Variants in PASK observed in about 807,000 individuals in gnomAD.
The protein encoded by PASK is PAS domain containing serine/threonine kinase.
In PASK, 110 loss-of-function variants were observed where a neutral mutation model predicts 121.0. That is an observed-to-expected ratio of 0.91 (90% CI 0.78 to 1.06). The LOEUF (loss-of-function observed/expected upper bound fraction) is 1.06, where lower values mean the gene tolerates loss of function less well. Among genes scored for constraint, PASK ranks in the 50% least tolerant of loss-of-function variants. The pLI, the probability that PASK is intolerant of heterozygous loss-of-function variation, is 0.00. For missense variants in PASK, 1,643 were observed against 1,702.3 expected, an observed-to-expected ratio of 0.97 and a Z score of 0.61; for synonymous variants, 686 against 717.8, an observed-to-expected ratio of 0.96 and a Z score of 0.71.
intron 1 of PASK, among the ~76,000 whole-genome samples, chr2:241,143,838 G>A (rs889730085): frequency 6.6e-6 from 1 of 152,262 alleles, no homozygotes; most frequent in African/African-American, 2.4e-5. Context: ...AACAAGTGAG[G>A]TCGCGGGGGC....
At chr2:241,146,194 T>C (rs1010075962) in intron 1 of PASK, among the ~76,000 whole-genome samples, 4 of 152,212 alleles carry the variant, frequency 2.6e-5, no homozygotes, top group African/African-American at 7.2e-5. Context: ...GATGATGTTA[T>C]ACCTACTAAG....
chr2:241,122,728 T>C lies in PASK; in HGVS notation c.3072+4A>G. On this transcript the variant is annotated splice_donor_region_variant and intron_variant, in intron 12 of 17. Transcript: ENST00000234040. The stretch of plus-strand genomic sequence containing the variant: ...GCGCCACTCCCCCCCCACAGCCAGG[T>C]TACCTCCTTGTTTTTTTCCTTGTCC... 3 of 1,613,536 alleles carry C rather than the reference T, an allele frequency of 1.9e-6. No homozygotes were observed. Among genetic ancestry groups the C allele is most frequent in the Non-Finnish European group, 2.5e-6 (3 of 1,179,560 alleles).
At chr2:241,119,826 C>A (rs993553616) in intron 12 of PASK, among the ~76,000 whole-genome samples, 2 of 152,074 alleles carry the variant, frequency 1.3e-5, no homozygotes, top group African/African-American at 4.8e-5. Context: ...TATCCTGCTG[C>A]CCCTGTAGGA....
chr2:241,142,918 T>C lies in PASK; in HGVS notation c.115A>G (p.Arg39Gly). The C allele has an allele frequency of 6.2e-7, 1 of 1,614,100 alleles. No individual in the cohort carries two copies. The highest frequency in any genetic ancestry group is 8.5e-7 in the Non-Finnish European group (1 of 1,179,952). The change falls in exon 2 of 18, where the codon AGG (arginine) becomes GGG (glycine). Residue 39 changes from arginine (R) to glycine (G), a missense_variant. Physicochemically the swap from Arg to Gly is moderately radical, Grantham distance 125. Around this residue, in one of 3 missense-constraint regions of PASK, gnomAD observed 1,176 missense variants for 1,162.2 expected, o/e 1.01. Transcript: ENST00000234040. The part of the protein sequence containing the change: ...PAAQTTAEPS[R>G]SFSSAHRHLS... Reference sequence around the variant, plus strand: ...TGTCTGTGGGCTGAGGAAAACGACCTGCTGGGCTCAGCAGTGGTCTGTGCA... The same window carrying C: ...TGTCTGTGGGCTGAGGAAAACGACCCGCTGGGCTCAGCAGTGGTCTGTGCA...
Position 241,132,859 on chromosome 2 carries a change from C to A in PASK, c.1463+15G>T, listed in dbSNP as rs1171661695. 2 of 1,610,370 alleles carry A rather than the reference C, an allele frequency of 1.2e-6. No homozygotes were observed. The highest frequency in any genetic ancestry group is 1.7e-6 in the Non-Finnish European group (2 of 1,176,572). On this transcript the variant is annotated intron_variant, in intron 9 of 17. Transcript: ENST00000234040. ...GACTTTTAGTAAACCTGCAACCTCCCACCAAGGGACTTACCCTGGAGCAGG... is the reference window on the plus strand; with the variant it reads ...GACTTTTAGTAAACCTGCAACCTCCAACCAAGGGACTTACCCTGGAGCAGG...
intron 14 of PASK, chr2:241,114,015 A>G (rs1172911666): frequency 7.1e-6 from 7 of 983,956 alleles, no homozygotes; most frequent in Non-Finnish European, 6.0e-6. Flanking sequence ...TATAAACACC[A>G]TAATTATGTG....
At position 241,140,653 on chromosome 2, in the gene PASK, G is replaced by A. The variant is rs570353429; in HGVS notation, c.297C>T (p.Ser99=). Residue 99 remains serine, a synonymous_variant, in exon 3 of 18, where the codon TCC becomes TCT. Coordinates refer to ENST00000234040, the MANE Select transcript of PASK (RefSeq NM_015148.4). ...CPAAPEHTDP[S]EPRGSVSCCS... ...AGCAGGACACACTGCCCCGCGGTTC[G>A]GACGGGTCCGTGTGCTCAGGGGCAG... 7.4e-6 allele frequency: 12 copies of A among 1,613,950 alleles called. No individual in the cohort carries two copies. In the East Asian group the frequency reaches 1.1e-4, roughly 15 times the overall value.
In PASK at chr2:241,108,935, TC is replaced by T. The variant is rs2064995278; in HGVS notation, c.3534-636del. 1.3e-5 allele frequency: 2 copies of T among 159,560 alleles called. No individual in the cohort carries two copies. The highest frequency in any genetic ancestry group is 3.5e-4 in the South Asian group (2 of 5,684). The allele number at this position is 159,560 out of a possible 1,614,324, so 9.9% of individuals were successfully genotyped here. A position where few individuals can be genotyped will look rare whatever the true frequency, so the allele number is the denominator to read the frequency against. ...AGACACCCAAAGGACTATTGTTACT[TC>T]CTGTCGCCGTAAACATCCTCATCCA... On this transcript the variant is annotated intron_variant, in intron 15 of 17. Coordinates refer to ENST00000234040, the MANE Select transcript of PASK (RefSeq NM_015148.4). The surrounding 1 kb of genome is among the most constrained non-coding windows in gnomAD (Gnocchi z 5.2).
In PASK at chr2:241,115,207, T is replaced by C. The variant is rs1415016110; in HGVS notation, c.3199-30A>G. The C allele has an allele frequency of 2.5e-6, 4 of 1,613,936 alleles. No homozygotes were observed. The African/African-American group carries it at 5.3e-5, about 22-fold the overall frequency. On this transcript the variant is annotated intron_variant, in intron 13 of 17. Transcript: ENST00000234040. ...GAAGAGACAAAGCCAAGTCCAACTC[T>C]ACCAAAACATCTTCAAGTCAACAAA...
chr2:241,125,888 C>A (rs779689591), intron 10 of PASK, among the ~76,000 whole-genome samples: 1 of 152,244 alleles, frequency 6.6e-6, no homozygotes, highest in African/African-American at 2.4e-5. Context: ...CTGCTCCCGA[C>A]GGGATCTCCC....
chr2:241,137,386 C>A, intron 6 of PASK, 122 bp from the exon 7 acceptor site: 1 of 796,208 alleles, frequency 1.3e-6, no homozygotes, highest in Admixed American at 1.7e-5. Context: ...GGACATCTCA[C>A]ACCCACACTG....
At chr2:241,126,057 T>C in intron 10 of PASK, 139 bp downstream of exon 10, 1 of 801,304 alleles carries the variant, frequency 1.2e-6, no homozygotes. Context: ...ATGATATGCA[T>C]TCTCCTTGAA....
In PASK at chr2:241,106,463, G is replaced by T; in HGVS notation, c.*103C>A. ...AAACCTGCACATGAGTTTTTAGAAG[G>T]TGAATTGGGGATGCTTCAGAATGTA... On this transcript the variant is annotated 3_prime_UTR_variant, in exon 18 of 18. Transcript: ENST00000234040. 2 of 1,186,588 alleles carry T rather than the reference G, an allele frequency of 1.7e-6. No individual in the cohort carries two copies. Among genetic ancestry groups the T allele is most frequent in the South Asian group, 1.2e-5 (1 of 82,310 alleles). The allele number at this position is 1,186,588 out of a possible 1,614,324, so 73.5% of individuals were successfully genotyped here.
At position 241,108,969 on chromosome 2, in the gene PASK, A is replaced by G. The variant is rs1417630158; in HGVS notation, c.3534-669T>C. ...CGTAAACATCCTCATCCACGCTACC[A>G]TTTATTTCCTGTCACCGTAAACATC... On this transcript the variant is annotated intron_variant, in intron 15 of 17. Transcript: ENST00000234040. This position sits in a 1 kb window ranked among gnomAD's most constrained non-coding sequence, Gnocchi z 5.2. 1 of 154,744 alleles carries G rather than the reference A, an allele frequency of 6.5e-6. No individual in the cohort carries two copies. Among genetic ancestry groups the G allele is most frequent in the Non-Finnish European group, 1.4e-5 (1 of 69,972 alleles). 9.6% of individuals were successfully genotyped at this position (154,744 alleles called of 1,614,324 possible). A position where few individuals can be genotyped will look rare whatever the true frequency, so the allele number is the denominator to read the frequency against.
Position 241,138,790 on chromosome 2 carries a change from T to G in PASK, c.605A>C (p.Asp202Ala). The G allele has an allele frequency of 5.6e-6, 9 of 1,614,024 alleles. No individual in the cohort carries two copies. Among genetic ancestry groups the G allele is most frequent in the Non-Finnish European group, 6.8e-6 (8 of 1,180,024 alleles). The change falls in exon 5 of 18, where the codon GAC (aspartate) becomes GCC (alanine). Residue 202 changes from aspartate (D) to alanine (A), a missense_variant. Physicochemically the swap from Asp to Ala is moderately radical, Grantham distance 126. Transcript: ENST00000234040. ...CTTCTCCCCACTACGGCTGATGATG[T>G]CCACCTGTGGAAACAGACAGGTTCA... ...HAAVVFGTVV[D>A]IISRSGEKIP...
At chr2:241,114,215 A>G in intron 14 of PASK, 1 of 985,338 alleles carries the variant, frequency 1.0e-6, no homozygotes, top group Non-Finnish European at 1.2e-6. Flanking sequence ...GCAGAACCAT[A>G]ATATCTGAAA....
At chr2:241,110,468 G>C (rs1187259755) in intron 15 of PASK, among the ~76,000 whole-genome samples, 6 of 152,246 alleles carry the variant, frequency 3.9e-5, no homozygotes, top group Non-Finnish European at 8.8e-5. Flanking sequence ...GAGCTCCTGA[G>C]AGGAGGCCTG....
chr2:241,133,085 A>G, intron 8 of PASK, 55 bp from the exon 9 acceptor site: 1 of 1,552,744 alleles, frequency 6.4e-7, no homozygotes, highest in Non-Finnish European at 8.9e-7. Context: ...CCCTAAAACG[A>G]ATCTGCTCAT....
intron 9 of PASK, among the ~76,000 whole-genome samples, chr2:241,130,988 G>C (rs1287781321): frequency 1.3e-5 from 2 of 152,210 alleles, no homozygotes; most frequent in Non-Finnish European, 2.9e-5. Flanking sequence ...TACAACTATA[G>C]TTAAATGCAC....
Sources: gnomAD v4.1 joint callset for allele counts (sites outside exome capture counted in the v4.1 genomes callset) on GRCh38, gnomAD v4.1.1 for gene constraint, gnomAD v4.1.1 regional missense constraint, Gnocchi (gnomAD v3.1) non-coding constraint, MANE v1.5 for transcripts, NCBI Gene and HGNC (gene_info 2026-07-23, HGNC 2026-07-21) for gene names.